The following MGAT1 variants were observed in gnomAD, a reference collection of about 807,000 sequenced individuals.
MGAT1 encodes N-glycosyl-oligosaccharide-glycoprotein N-acetylglucosaminyltransferase I.
A neutral mutation model predicts 31.7 loss-of-function variants in MGAT1; 14 were observed. The ratio of observed to expected loss-of-function variants is 0.44; its 90% CI spans 0.29 to 0.69. The LOEUF is 0.69. Ranked by LOEUF, MGAT1 falls within the 30% of genes least tolerant of loss-of-function variation. The probability of loss-of-function intolerance (pLI) is 0.12; values close to 1 mark genes in which losing one functional copy is unlikely to be tolerated. For synonymous variants in MGAT1, 338 were observed against 276.0 expected, an observed-to-expected ratio of 1.22 and a Z score of -2.23; for missense variants, 557 against 626.0, an observed-to-expected ratio of 0.89 and a Z score of 1.18.
At chr5:180,810,613 T>G (rs1054242073) in intron 1 of MGAT1, 1 of 151,754 alleles carries the variant, frequency 6.6e-6, no homozygotes, top group Non-Finnish European at 1.5e-5. Flanking sequence ...GCCCTCTCCC[T>G]CCGCCCAAAG....
In MGAT1 at chr5:180,791,514, A is replaced by G. The variant is rs1466594777; in HGVS notation, c.*120T>C. 6 of 1,296,442 alleles carry G rather than the reference A, an allele frequency of 4.6e-6. No individual in the cohort carries two copies. In the African/African-American group the frequency reaches 9.0e-5, roughly 19 times the overall value. 80.3% of individuals were successfully genotyped at this position (1,296,442 alleles called of 1,614,324 possible). ...TTGTGCACTTAAATGCCACTCGGAA[A>G]AATCAAAAAGATAAATGCACCTAAG... On this transcript the variant is annotated 3_prime_UTR_variant, in exon 2 of 2. Coordinates refer to ENST00000307826, the MANE Select transcript of MGAT1 (RefSeq NM_002406.4).
At chr5:180,813,174 C>A (rs773218840) in intron 1 of MGAT1, among the ~76,000 whole-genome samples, 1 of 151,844 alleles carries the variant, frequency 6.6e-6, no homozygotes, top group African/African-American at 2.4e-5. Flanking sequence ...ATGAAAGATA[C>A]ACAGAAAGAT....
chr5:180,807,997 A>T (rs138800304), intron 2 of MGAT1, among the ~76,000 whole-genome samples: 1 of 152,200 alleles, frequency 6.6e-6, no homozygotes, highest in Admixed American at 6.5e-5. Context: ...AACAACTTGT[A>T]AGGGACCTGG....
intron 1 of MGAT1, among the ~76,000 whole-genome samples, chr5:180,812,929 TAA>T (rs1772664634): frequency 6.6e-6 from 1 of 152,132 alleles, no homozygotes; most frequent in African/African-American, 2.4e-5. Flanking sequence ...CAGCTAGAAA[TAA>T]GTTTATGAAA....
Position 180,785,089 on chromosome 5 carries a change from G to GA in MGAT1, c.*6544dup, listed in dbSNP as rs1446065363. The GA allele has an allele frequency of 6.6e-6, 1 of 152,098 alleles. No individual in the cohort carries two copies. The highest frequency in any genetic ancestry group is 1.5e-5 in the Non-Finnish European group (1 of 68,018). 9.4% of individuals were successfully genotyped at this position (152,098 alleles called of 1,614,324 possible). A position where few individuals can be genotyped will look rare whatever the true frequency, so the allele number is the denominator to read the frequency against. ...TAAAATTGAAAAAAAGTTTTGGAAGGAAAAAATATTCCCATCCTTTAATTC... is the reference window on the plus strand; with the variant it reads ...TAAAATTGAAAAAAAGTTTTGGAAGGAAAAAAATATTCCCATCCTTTAATTC... On this transcript the variant is annotated 3_prime_UTR_variant, in exon 2 of 2. Coordinates refer to ENST00000307826, the MANE Select transcript of MGAT1 (RefSeq NM_002406.4).
chr5:180,814,928 G>A (rs1243166441), intron 1 of MGAT1, among the ~76,000 whole-genome samples: 1 of 148,698 alleles, frequency 6.7e-6, no homozygotes, highest in African/African-American at 2.5e-5. Context: ...GCGACAGAGT[G>A]AGACTCTGTC....
chr5:180,792,956 A>G lies in MGAT1; in HGVS notation c.16T>C (p.Ser6Pro). Residue 6 changes from serine to proline, a missense_variant, in exon 2 of 2, where the codon TCT (serine) becomes CCT (proline). Physicochemically the swap from Ser to Pro is moderately conservative, Grantham distance 74. Around this residue, in one of 3 missense-constraint regions of MGAT1, gnomAD observed 167 missense variants for 149.8 expected, o/e 1.11. Coordinates refer to ENST00000307826, the MANE Select transcript of MGAT1 (RefSeq NM_002406.4). MLKKQ[S>P]AGLVLWGAIL... ...GCGCCCCACAGCACAAGCCCTGCAG[A>G]CTGCTTCTTCAGCATCCTGGCCCCC... 1 of 1,613,372 alleles carries G rather than the reference A, an allele frequency of 6.2e-7. No individual in the cohort carries two copies. The highest frequency in any genetic ancestry group is 2.2e-5 in the East Asian group (1 of 44,834).
rs745346635 is a variant in MGAT1, at chr5:180,792,831, G to C, written c.141C>G (p.Pro47=). The part of the protein sequence containing the change: ...PPSVSALDGD[P]ASLTREVIRL... ...GAATCACTTCCCGGGTGAGGCTGGC[G>C]GGGTCGCCATCGAGAGCGCTGACTG... The change falls in exon 2 of 2, where the codon CCC becomes CCG. Residue 47 remains proline (P), a synonymous_variant. Transcript: ENST00000307826. 3 of 1,562,248 alleles carry C rather than the reference G, an allele frequency of 1.9e-6. No homozygotes were observed. The highest frequency in any genetic ancestry group is 2.6e-6 in the Non-Finnish European group (3 of 1,154,128).
chr5:180,787,912 C>G lies in MGAT1; in HGVS notation c.*3722G>C, dbSNP rs1488174564. ...TAAGAGGATTGCAAAGGCCAAGAGG[C>G]TTGAGGAGGGAAGGCTGCCCGGAAG... On this transcript the variant is annotated 3_prime_UTR_variant, in exon 2 of 2. Coordinates refer to ENST00000307826, the MANE Select transcript of MGAT1 (RefSeq NM_002406.4). 6.6e-6 allele frequency: 1 copy of G among 152,452 alleles called. No homozygotes were observed. Among genetic ancestry groups the G allele is most frequent in the Non-Finnish European group, 1.5e-5 (1 of 68,200 alleles). 9.4% of individuals were successfully genotyped at this position (152,452 alleles called of 1,614,324 possible).
rs1213311651 is a variant in MGAT1 at position 180,791,695 on chromosome 5, C to T, written c.1277G>A (p.Gly426Asp). The stretch of plus-strand genomic sequence containing the variant: ...TGGGGGCGCCAGGTGGACACGGCGG[C>T]CCCGGAACTGGAAGGTGACAATACC... ...YRGIVTFQFRGRRVHLAPPLT... is the reference protein window; with the variant it reads ...YRGIVTFQFRDRRVHLAPPLT... The change falls in exon 2 of 2, where the codon GGC becomes GAC. Residue 426 changes from glycine to aspartate, a missense_variant. Physicochemically the swap from Gly to Asp is moderately conservative, Grantham distance 94. Around this residue, in one of 3 missense-constraint regions of MGAT1, gnomAD observed 145 missense variants for 143.2 expected, o/e 1.01. Coordinates refer to ENST00000307826, the MANE Select transcript of MGAT1 (RefSeq NM_002406.4). 4.3e-6 allele frequency: 7 copies of T among 1,613,762 alleles called. No individual in the cohort carries two copies. Among genetic ancestry groups the T allele is most frequent in the Admixed American group, 1.7e-5 (1 of 60,026 alleles).
chr5:180,800,268 T>C (rs1001822112), intron 1 of MGAT1, among the ~76,000 whole-genome samples: 16 of 152,222 alleles, frequency 1.1e-4, no homozygotes, highest in Admixed American at 4.6e-4. Flanking sequence ...CCTTCCTTAG[T>C]AGGTATCTAC....
chr5:180,796,493 C>T (rs1270657876), intron 1 of MGAT1, among the ~76,000 whole-genome samples: 1 of 152,154 alleles, frequency 6.6e-6, no homozygotes, highest in Non-Finnish European at 1.5e-5. Flanking sequence ...ACTGCTGTGC[C>T]CAGCTGGGGC....
upstream of MGAT1, chr5:180,803,898 T>G (rs1252371343): frequency 6.6e-6 from 1 of 152,352 alleles, no homozygotes; most frequent in African/African-American, 2.4e-5. Context: ...TGCTGCCATG[T>G]GATCAGGACC....
upstream of MGAT1, chr5:180,803,016 G>C (rs1255506429): frequency 6.6e-6 from 1 of 152,212 alleles, no homozygotes; most frequent in African/African-American, 2.4e-5. Context: ...CCCCAACTTC[G>C]GGAGTCGGCT....
Position 180,792,292 on chromosome 5 carries a change from G to C in MGAT1, c.680C>G (p.Pro227Arg), listed in dbSNP as rs149151044. 1 of 1,610,460 alleles carries C rather than the reference G, an allele frequency of 6.2e-7. No homozygotes were observed. Among genetic ancestry groups the C allele is most frequent in the Admixed American group, 1.7e-5 (1 of 59,978 alleles). The change falls in exon 2 of 2, where the codon CCG becomes CGG. Residue 227 changes from proline (P) to arginine (R), a missense_variant. This residue lies in a region of MGAT1 where 245 missense variants were observed against 332.9 expected (regional missense o/e 0.74). Transcript: ENST00000307826. ...CAGGGAGGGGTCGGCCTTCAGCAGC[G>C]GATAGGTGGCCCGAAAGTACTCGAA... ...DFFEYFRATY[P>R]LLKADPSLWC...
chr5:180,807,439 G>T (rs540186855), upstream of MGAT1, among the ~76,000 whole-genome samples: 2 of 152,300 alleles, frequency 1.3e-5, no homozygotes, highest in East Asian at 3.9e-4. Context: ...AGACAAACAG[G>T]GCTGCTTTTA....
chr5:180,809,592 C>T (rs1772315768), intron 1 of MGAT1: 1 of 152,122 alleles, frequency 6.6e-6, no homozygotes, highest in South Asian at 2.1e-4. Context: ...AACTAAGCTC[C>T]CCCTCTGCTT....
chr5:180,805,416 T>C (rs765231450), upstream of MGAT1, among the ~76,000 whole-genome samples: 1 of 152,196 alleles, frequency 6.6e-6, no homozygotes. Context: ...AAAGAATTCA[T>C]GCCCTTAAAT....
chr5:180,806,026 G>A (rs537820473), upstream of MGAT1, among the ~76,000 whole-genome samples: 1 of 152,278 alleles, frequency 6.6e-6, no homozygotes, highest in Non-Finnish European at 1.5e-5. Context: ...CGTGGCTCAT[G>A]CCTATAATCC....
Sources: gnomAD v4.1 joint callset for allele counts (sites outside exome capture counted in the v4.1 genomes callset) on GRCh38, gnomAD v4.1.1 for gene constraint, gnomAD v4.1.1 regional missense constraint, MANE v1.5 for transcripts, NCBI Gene and HGNC (gene_info 2026-07-23, HGNC 2026-07-21) for gene names.